APP: variants seen among roughly 807,000 people sequenced by gnomAD.
APP encodes the protein amyloid beta precursor protein.
Under a neutral mutation model 101.4 loss-of-function variants are expected in APP, and 31 were observed. That is an observed-to-expected ratio of 0.31 (90% CI 0.23 to 0.41). The LOEUF (loss-of-function observed/expected upper bound fraction) is 0.41. Among genes scored for constraint, APP ranks in the 10% least tolerant of loss-of-function variants. The probability of loss-of-function intolerance (pLI) is 1.00; values close to 1 mark genes in which losing one functional copy is unlikely to be tolerated. For synonymous variants in APP, 366 were observed against 364.4 expected (o/e 1.00, Z -0.05); for missense variants, 839 against 1,003.7 (o/e 0.84, Z 2.22).
chr21:26,170,013 G>C (rs1220495409), intron 1 of APP, among the ~76,000 whole-genome samples: 1 of 152,198 alleles, frequency 6.6e-6, no homozygotes, highest in Non-Finnish European at 1.5e-5. Context: ...GAGCAAGGAA[G>C]GGGGATGGGG....
intron 4 of APP, among the ~76,000 whole-genome samples, chr21:26,052,749 A>G (rs1461314199): frequency 6.6e-6 from 1 of 152,252 alleles, no homozygotes; most frequent in Admixed American, 6.5e-5. Context: ...CTACCACTGT[A>G]TTCACTAATA....
At chr21:25,928,342 AAAACAAAC>A (rs61188136) in intron 13 of APP, among the ~76,000 whole-genome samples, 21 of 148,996 alleles carry the variant, frequency 1.4e-4, no homozygotes, top group South Asian at 4.3e-4. Flanking sequence ...ACTCCATCTC[AAAACAAAC>A]AAACAAACAA....
At chr21:26,110,569 A>C (rs1012801269) in intron 2 of APP, among the ~76,000 whole-genome samples, 2 of 152,348 alleles carry the variant, frequency 1.3e-5, no homozygotes, top group African/African-American at 4.8e-5. Context: ...AATATGTAAT[A>C]TATTGTGATA....
At chr21:25,976,083 A>G in intron 9 of APP, 55 bp from the exon 10 acceptor site, 1 of 1,373,416 alleles carries the variant, frequency 7.3e-7, no homozygotes, top group Non-Finnish European at 1.0e-6. Context: ...CTTTGAATAC[A>G]GACTTAATAG....
At chr21:25,962,601 T>C (rs2041627888) in intron 11 of APP, among the ~76,000 whole-genome samples, 1 of 152,200 alleles carries the variant, frequency 6.6e-6, no homozygotes, top group Non-Finnish European at 1.5e-5. Flanking sequence ...GATGTATCTA[T>C]ATAGTGTGCT....
chr21:26,031,836 A>G (rs1490620099), intron 5 of APP, among the ~76,000 whole-genome samples: 1 of 152,132 alleles, frequency 6.6e-6, no homozygotes, highest in Non-Finnish European at 1.5e-5. Flanking sequence ...CGCTCCCCAA[A>G]ATGCAGCAAT....
intron 13 of APP, among the ~76,000 whole-genome samples, chr21:25,937,240 C>T (rs138458132): frequency 6.6e-6 from 1 of 152,070 alleles, no homozygotes; most frequent in African/African-American, 2.4e-5. Flanking sequence ...GACTTCCATC[C>T]CAAGTCACTA....
At chr21:26,016,749 T>C (rs1170727298) in intron 6 of APP, among the ~76,000 whole-genome samples, 1 of 152,188 alleles carries the variant, frequency 6.6e-6, no homozygotes, top group African/African-American at 2.4e-5. Flanking sequence ...TTTTTGTATC[T>C]TTAGTACAGA....
chr21:26,154,922 T>A (rs1174365239), intron 1 of APP, among the ~76,000 whole-genome samples: 1 of 152,230 alleles, frequency 6.6e-6, no homozygotes, highest in Non-Finnish European at 1.5e-5. Flanking sequence ...CTGTGGCTAC[T>A]AAGTACTTGA....
chr21:25,934,801 C>G (rs2040296741), intron 13 of APP: 1 of 152,210 alleles, frequency 6.6e-6, no homozygotes, highest in Non-Finnish European at 1.5e-5. Flanking sequence ...ATCACGAGCT[C>G]TATGATAATA....
intron 16 of APP, among the ~76,000 whole-genome samples, chr21:25,894,209 A>G (rs776986008): frequency 4.6e-5 from 7 of 152,224 alleles, no homozygotes; most frequent in Non-Finnish European, 1.0e-4. Flanking sequence ...TCTGAAGGAC[A>G]GGTACAGGGA....
intron 5 of APP, among the ~76,000 whole-genome samples, chr21:26,034,897 G>GAACCAAT (rs2045030698): frequency 6.6e-6 from 1 of 151,994 alleles, no homozygotes; most frequent in South Asian, 2.1e-4. Flanking sequence ...GAACGACAAC[G>GAACCAAT]AACCAATAAA....
At chr21:26,100,569 T>C (rs1297865360) in intron 2 of APP, among the ~76,000 whole-genome samples, 3 of 152,206 alleles carry the variant, frequency 2.0e-5, no homozygotes, top group African/African-American at 7.2e-5. Context: ...TTCATACAAC[T>C]GTAGAATGGA....
chr21:25,954,403 G>A (rs1285717227), intron 13 of APP, among the ~76,000 whole-genome samples, 187 bp downstream of exon 13: 1 of 152,230 alleles, frequency 6.6e-6, no homozygotes, highest in East Asian at 1.9e-4. Flanking sequence ...AGTCTTACAA[G>A]TATGGAGAGG....
At chr21:26,026,758 C>T (rs750838046) in intron 5 of APP, among the ~76,000 whole-genome samples, 88 of 152,298 alleles carry the variant, frequency 5.8e-4, no homozygotes, top group African/African-American at 2.0e-3. Flanking sequence ...CTCAGTATGA[C>T]ACTACAATGG....
At chr21:26,024,586 C>G (rs1309702824) in intron 5 of APP, among the ~76,000 whole-genome samples, 2 of 152,108 alleles carry the variant, frequency 1.3e-5, no homozygotes, top group East Asian at 3.9e-4. Context: ...ACAGGACCGC[C>G]ATAAGTAGTT....
At chr21:26,119,116 A>G (rs559911380) in intron 1 of APP, among the ~76,000 whole-genome samples, 1 of 152,010 alleles carries the variant, frequency 6.6e-6, no homozygotes. Context: ...AGGGCTCAAA[A>G]CCCGCCTAGA....
chr21:26,163,661 T>C (rs1372612278), intron 1 of APP, among the ~76,000 whole-genome samples: 1 of 152,170 alleles, frequency 6.6e-6, no homozygotes, highest in East Asian at 1.9e-4. Context: ...TTCTTGTCTT[T>C]AGTTGGACAG....
At chr21:26,018,736 A>G (rs1340407068) in intron 6 of APP, among the ~76,000 whole-genome samples, 3 of 152,180 alleles carry the variant, frequency 2.0e-5, no homozygotes, top group Non-Finnish European at 2.9e-5. Context: ...AACAGTTGCT[A>G]TCTCTCAATG....
Sources: allele counts gnomAD v4.1 joint callset (sites outside exome capture counted in the v4.1 genomes callset), GRCh38; gene constraint gnomAD v4.1.1; transcripts MANE v1.5; gene names NCBI Gene and HGNC (gene_info 2026-07-23, HGNC 2026-07-21).